MUS81: variants seen among roughly 807,000 people sequenced by gnomAD.
The protein encoded by MUS81 is structure-specific endonuclease subunit MUS81.
Under a neutral mutation model 74.2 loss-of-function variants are expected in MUS81, and 69 were observed. The observed-to-expected ratio is 0.93, with a 90% confidence interval of 0.77 to 1.14. The LOEUF (loss-of-function observed/expected upper bound fraction) is 1.14, where lower values mean the gene tolerates loss of function less well. Among genes scored for constraint, MUS81 ranks in the 50% most tolerant of loss-of-function variants. The pLI is 0.00. For synonymous variants in MUS81, 303 were observed against 300.6 expected (o/e 1.01, Z -0.08); for missense variants, 711 against 726.5 (o/e 0.98, Z 0.25).
At chr11:65,862,413 GCTCT>G (rs747133642) in intron 5 of MUS81, 27 bp from the exon 6 acceptor site, 2 of 1,601,992 alleles carry the variant, frequency 1.2e-6, no homozygotes, top group South Asian at 2.2e-5. Context: ...GGTACCAGGT[GCTCT>G]CTGAGGGTCT....
intron 10 of MUS81, 51 bp from the exon 11 acceptor site, chr11:65,864,446 C>T (rs1199127315): frequency 6.8e-7 from 1 of 1,469,230 alleles, no homozygotes; most frequent in Middle Eastern, 1.7e-4. Context: ...GATGCCCAGG[C>T]ATGTGGTCAT....
downstream of MUS81, chr11:65,866,707 C>T (rs1380527956): frequency 4.1e-6 from 3 of 724,620 alleles, no homozygotes; most frequent in African/African-American, 3.5e-5. Context: ...ATGGGGGCCC[C>T]TGGGCCTGAA....
chr11:65,863,011 C>G, intron 6 of MUS81, 54 bp from the exon 7 acceptor site: 3 of 1,611,700 alleles, frequency 1.9e-6, no homozygotes, highest in Non-Finnish European at 2.5e-6. Flanking sequence ...GGCAGGAAAG[C>G]CTGCCAGGAA....
upstream of MUS81, chr11:65,860,402 TAC>T (rs1859540073): frequency 4.0e-6 from 2 of 499,286 alleles, no homozygotes; most frequent in Non-Finnish European, 7.9e-6. Context: ...TCCTCTCGCC[TAC>T]ACAAAGACCC....
In MUS81 at chr11:65,862,629, G is replaced by GA. The variant is rs369260564; in HGVS notation, c.605+100_605+101insA. Reference sequence around the variant, plus strand: ...CCCAGAGCTGATGCTGTTGAGATTGGGGGGGGTGGGCCTTTCCTCAGGAGC... The same window carrying GA: ...CCCAGAGCTGATGCTGTTGAGATTGGAGGGGGGTGGGCCTTTCCTCAGGAGC... On this transcript the variant is annotated intron_variant, in intron 6 of 15. Coordinates refer to ENST00000308110, the MANE Select transcript of MUS81 (RefSeq NM_025128.5). 755 of 1,177,948 alleles carry GA rather than the reference G, an allele frequency of 6.4e-4. 3 individuals carry two copies. The African/African-American group carries it at 0.01, about 16-fold the overall frequency. The allele number at this position is 1,177,948 out of a possible 1,614,324, so 73.0% of individuals were successfully genotyped here. A position where few individuals can be genotyped will look rare whatever the true frequency, so the allele number is the denominator to read the frequency against.
In MUS81 at chr11:65,865,121, C is replaced by T; in HGVS notation, c.1377C>T (p.Phe459=). ...GCTCACTCCTCACCTTCAGTGACTT[C>T]AACGCAGGAGCCATCAAGAATAAGG... ...PLCSLLTFSD[F]NAGAIKNKAQ... The change falls in exon 13 of 16, where the codon TTC becomes TTT. Residue 459 remains phenylalanine (F), a synonymous_variant. Transcript: ENST00000308110. The T allele has an allele frequency of 1.9e-6, 3 of 1,614,246 alleles. No individual in the cohort carries two copies. In the South Asian group the frequency reaches 3.3e-5, roughly 18 times the overall value.
At chr11:65,867,189 G>C (rs550766297), downstream of MUS81, 2 of 1,385,358 alleles carry the variant, frequency 1.4e-6, no homozygotes, top group Non-Finnish European at 2.0e-6. Context: ...GAACAGCCCT[G>C]GCCAGGCTGC....
Position 65,864,785 on chromosome 11 carries a change from C to T in MUS81, c.1242C>T (p.Leu414=). The part of the protein sequence containing the change: ...DIKESAAYLA[L]LTRGLQRLYQ... ...AGGAGTCAGCCGCCTACCTGGCCCT[C>T]TTGACGCGGGGCCTGCAGAGACTCT... The change falls in exon 12 of 16, where the codon CTC becomes CTT. Residue 414 remains leucine (L), a synonymous_variant. Coordinates refer to ENST00000308110, the MANE Select transcript of MUS81 (RefSeq NM_025128.5). The T allele has an allele frequency of 3.1e-6, 5 of 1,613,814 alleles. No homozygotes were observed. The highest frequency in any genetic ancestry group is 4.2e-6 in the Non-Finnish European group (5 of 1,179,994).
intron 14 of MUS81, 141 bp downstream of exon 14, chr11:65,865,464 G>A: frequency 1.1e-6 from 1 of 894,464 alleles, no homozygotes; most frequent in East Asian, 2.7e-5. Flanking sequence ...GGTGCTCGTG[G>A]AGGTCAAGTG....
chr11:65,861,334 CT>C lies in MUS81; in HGVS notation c.266-12del. On this transcript the variant is annotated splice_polypyrimidine_tract_variant and intron_variant, in intron 2 of 15. Transcript: ENST00000308110. ...GGATTCGTGGAGTGTGGAGTTAACT[CT>C]TTTCTCTCCCGCAGGTGACCATGCC... 1 of 1,578,976 alleles carries C rather than the reference CT, an allele frequency of 6.3e-7. No individual in the cohort carries two copies. The highest frequency in any genetic ancestry group is 2.3e-5 in the East Asian group (1 of 43,092).
rs1193195523 is a variant in MUS81, at chr11:65,864,504, T to A, written c.1067T>A (p.Leu356Gln). The A allele has an allele frequency of 6.2e-7, 1 of 1,613,942 alleles. No individual in the cohort carries two copies. Among genetic ancestry groups the A allele is most frequent in the Non-Finnish European group, 8.5e-7 (1 of 1,179,930 alleles). The change falls in exon 11 of 16, where the codon CTG becomes CAG. Residue 356 changes from leucine (L) to glutamine (Q), a missense_variant. Physicochemically the swap from Leu to Gln is moderately radical, Grantham distance 113. Transcript: ENST00000308110. ...CTCTGTACACTTCCCTAGTTCCGGCTGAAGCGCTGTGGTCTGGAGCGCCGG... is the reference window on the plus strand; with the variant it reads ...CTCTGTACACTTCCCTAGTTCCGGCAGAAGCGCTGTGGTCTGGAGCGCCGG... ...DGRFREQKFR[L>Q]KRCGLERRVY...
rs1265818001 is a variant in MUS81, at chr11:65,863,395, A to G, written c.747-15A>G. The G allele has an allele frequency of 1.9e-6, 3 of 1,613,852 alleles. No homozygotes were observed. Among genetic ancestry groups the G allele is most frequent in the Non-Finnish European group, 2.5e-6 (3 of 1,179,910 alleles). On this transcript the variant is annotated splice_polypyrimidine_tract_variant and intron_variant, in intron 7 of 15. Transcript: ENST00000308110. ...CAAGGGGTTCTGGCCTCACATACCA[A>G]CACCCCCCACTTAGTGCCAGTGAAG...
chr11:65,867,150 C>T (rs959740047), downstream of MUS81: 10 of 1,589,596 alleles, frequency 6.3e-6, no homozygotes, highest in Middle Eastern at 2.1e-4. Flanking sequence ...CCCAGCGTCA[C>T]CTCCCTGCCC....
At chr11:65,864,982 A>G (rs762690226) in intron 12 of MUS81, 35 bp from the exon 13 acceptor site, 9 of 1,609,210 alleles carry the variant, frequency 5.6e-6, no homozygotes, top group African/African-American at 4.0e-5. Context: ...TGTTCCTTCG[A>G]GCTCCAGCCT....
intron 4 of MUS81, 63 bp downstream of exon 4, chr11:65,862,108 G>T: frequency 2.5e-6 from 4 of 1,593,224 alleles, no homozygotes; most frequent in Non-Finnish European, 3.4e-6. Flanking sequence ...TCCCCGAGGG[G>T]CCTGGCCCAG....
upstream of MUS81, chr11:65,860,188 C>A: frequency 2.2e-6 from 1 of 446,358 alleles, no homozygotes. Context: ...TCTGGGTGTC[C>A]CTCCCACCAA....
chr11:65,861,124 C>T, intron 2 of MUS81, 22 bp downstream of exon 2: 1 of 1,611,440 alleles, frequency 6.2e-7, no homozygotes, highest in Non-Finnish European at 8.5e-7. Flanking sequence ...GGAAAGGGGT[C>T]GGTGATCCCC....
At chr11:65,860,122 A>G, upstream of MUS81, 1 of 388,782 alleles carries the variant, frequency 2.6e-6, no homozygotes, top group South Asian at 1.8e-5. Flanking sequence ...CATTTCCTCC[A>G]AGGGTCCTGC....
At chr11:65,862,913 G>A (rs1464459558) in intron 6 of MUS81, 152 bp from the exon 7 acceptor site, 11 of 945,326 alleles carry the variant, frequency 1.2e-5, no homozygotes, top group Non-Finnish European at 1.5e-5. Flanking sequence ...ACTGCTCTAA[G>A]AGCCAAGAAG....
Sources: allele counts gnomAD v4.1 joint callset, GRCh38; gene constraint gnomAD v4.1.1; transcripts MANE v1.5; gene names NCBI Gene and HGNC (gene_info 2026-07-23, HGNC 2026-07-21).